The following ARHGAP15 variants were observed in gnomAD, a reference collection of about 807,000 sequenced individuals.
ARHGAP15 encodes the protein rho GTPase-activating protein 15.
ARHGAP15 carries 51 observed loss-of-function variants against 63.7 expected under a neutral mutation model. The observed-to-expected ratio is 0.80, with a 90% CI of 0.64 to 1.01. The LOEUF (loss-of-function observed/expected upper bound fraction) is 1.01. ARHGAP15 is among the 50% of genes least tolerant of loss of function. The probability of loss-of-function intolerance (pLI) is 0.00; values close to 1 mark genes in which losing one functional copy is unlikely to be tolerated. For synonymous variants in ARHGAP15, 191 were observed against 193.8 expected, an observed-to-expected ratio of 0.99 and a Z score of 0.12; for missense variants, 560 against 564.6, an observed-to-expected ratio of 0.99 and a Z score of 0.08.
In ARHGAP15 at chr2:143,545,537, A is replaced by G. The variant is rs910066914; in HGVS notation, c.926-10871A>G. ...TTTTAAGTTGCTACTCTTGTTAAAT[A>G]AAAGTTGGCAAGCGTTCTCGGGGTC... On this transcript the variant is annotated intron_variant, in intron 10 of 13. Transcript: ENST00000295095. 1.3e-5 allele frequency among the ~76,000 whole-genome samples: 2 copies of G among 152,184 alleles called. 1 individual carries two copies. The highest frequency in any genetic ancestry group is 3.8e-4 in the East Asian group (2 of 5,206).
At chr2:143,760,542 G>A (rs1222469884) in intron 13 of ARHGAP15, among the ~76,000 whole-genome samples, 1 of 151,736 alleles carries the variant, frequency 6.6e-6, no homozygotes, top group African/African-American at 2.4e-5. Context: ...TCTAAATATT[G>A]CTTTAGAGAT....
chr2:143,487,341 A>T (rs764932268), intron 8 of ARHGAP15, 32 bp from the exon 9 acceptor site: 2 of 1,583,432 alleles, frequency 1.3e-6, no homozygotes, highest in African/African-American at 2.7e-5. Context: ...GGAGAAATTT[A>T]CCAAAAGCCT....
chr2:143,242,755 A>T lies in ARHGAP15; in HGVS notation c.385-7756A>T, dbSNP rs529439811. 5.3e-5 allele frequency among the ~76,000 whole-genome samples: 8 copies of T among 152,334 alleles called. No individual in the cohort carries two copies. The East Asian group carries it at 1.5e-3, about 29-fold the overall frequency. On this transcript the variant is annotated intron_variant, in intron 5 of 13. Transcript: ENST00000295095. The stretch of plus-strand genomic sequence containing the variant: ...ATCCTCTTTTATGTTGACAGGGGCC[A>T]TACTTTAGACATTAATAAGATCAGG...
At chr2:143,745,415 C>G (rs552539076) in intron 13 of ARHGAP15, among the ~76,000 whole-genome samples, 1 of 152,188 alleles carries the variant, frequency 6.6e-6, no homozygotes, top group Non-Finnish European at 1.5e-5. Flanking sequence ...GAGCAGGTCT[C>G]TTTGTCCAAT....
intron 2 of ARHGAP15, among the ~76,000 whole-genome samples, chr2:143,199,650 C>A (rs1480028098): frequency 6.6e-6 from 1 of 152,078 alleles, no homozygotes; most frequent in African/African-American, 2.4e-5. Context: ...GGCATTGTTT[C>A]TGCTCACATC....
rs144588577 is a variant in ARHGAP15, at chr2:143,298,458, A to G, written c.474+47858A>G. On this transcript the variant is annotated intron_variant, in intron 6 of 13. Coordinates refer to ENST00000295095, the MANE Select transcript of ARHGAP15 (RefSeq NM_018460.4). ...TGTATCATTAAAAGATGATTATGAC[A>G]GCTTCGCTAAGCCTCATTCATGTGA... is the stretch of plus-strand genomic sequence containing the variant. Among the ~76,000 whole-genome samples the G allele has an allele frequency of 7.6e-3, 1,149 of 152,152 alleles. 11 individuals are homozygous for G. The highest frequency in any genetic ancestry group is 0.027 in the African/African-American group (1,119 of 41,548).
chr2:143,360,374 G>A (rs1007843368), intron 6 of ARHGAP15, among the ~76,000 whole-genome samples: 7 of 151,912 alleles, frequency 4.6e-5, no homozygotes, highest in African/African-American at 1.7e-4. Flanking sequence ...GGTGGAGAAA[G>A]ACCTCATCTC....
intron 6 of ARHGAP15, among the ~76,000 whole-genome samples, chr2:143,424,968 C>T (rs969051504): frequency 9.9e-5 from 15 of 152,212 alleles, no homozygotes; most frequent in Admixed American, 6.6e-5. Context: ...CCCAGAGACA[C>T]AAAATAGGCC....
chr2:143,315,595 A>G (rs1195054610), intron 6 of ARHGAP15, among the ~76,000 whole-genome samples: 2 of 152,152 alleles, frequency 1.3e-5, no homozygotes, highest in Admixed American at 1.3e-4. Context: ...GATGGGAGAA[A>G]ATGCTATCAT....
intron 2 of ARHGAP15, among the ~76,000 whole-genome samples, chr2:143,157,141 C>A (rs1220615678): frequency 6.6e-6 from 1 of 151,892 alleles, no homozygotes; most frequent in Non-Finnish European, 1.5e-5. Flanking sequence ...GAATTATCCA[C>A]CTCAATAGCC....
At chr2:143,323,927 C>CTA (rs1684141306) in intron 6 of ARHGAP15, among the ~76,000 whole-genome samples, 1 of 124,908 alleles carries the variant, frequency 8.0e-6, no homozygotes, top group Non-Finnish European at 1.6e-5. Context: ...AAAAAAACAC[C>CTA]TAAATAGGCA....
intron 6 of ARHGAP15, among the ~76,000 whole-genome samples, chr2:143,371,633 CT>C (rs991461153): frequency 1.3e-5 from 2 of 152,238 alleles, no homozygotes. Context: ...CTCCAATTTT[CT>C]TTTTCTTTTT....
chr2:143,758,961 A>G (rs546092677), intron 13 of ARHGAP15, among the ~76,000 whole-genome samples: 88 of 152,300 alleles, frequency 5.8e-4, no homozygotes, highest in South Asian at 3.5e-3. Context: ...CCACGGATCG[A>G]ATTGTTACAT....
At chr2:143,672,191 A>G (rs1400029122) in intron 12 of ARHGAP15, among the ~76,000 whole-genome samples, 1 of 152,214 alleles carries the variant, frequency 6.6e-6, no homozygotes, top group Admixed American at 6.5e-5. Flanking sequence ...AGAGGTATAA[A>G]ATATAGAGAG....
At chr2:143,413,966 T>TGTGTGTGTGTGTGTGTGTGCGCGC in intron 6 of ARHGAP15, among the ~76,000 whole-genome samples, 2 of 117,910 alleles carry the variant, frequency 1.7e-5, no homozygotes, top group African/African-American at 7.1e-5. Context: ...TGTGTGTGTG[T>TGTGTGTGTGTGTGTGTGTGCGCGC]GCGCGCTCTC....
At chr2:143,192,469 A>G (rs564213046) in intron 2 of ARHGAP15, among the ~76,000 whole-genome samples, 1 of 152,216 alleles carries the variant, frequency 6.6e-6, no homozygotes, top group Non-Finnish European at 1.5e-5. Context: ...CAGCTCTCCA[A>G]TGCTGCCTGA....
chr2:143,403,612 A>T (rs190890147), intron 6 of ARHGAP15, among the ~76,000 whole-genome samples: 1 of 151,934 alleles, frequency 6.6e-6, no homozygotes, highest in East Asian at 1.9e-4. Context: ...ATAATACATA[A>T]TAATGGAGAA....
chr2:143,713,688 C>T (rs1684684265), intron 13 of ARHGAP15, among the ~76,000 whole-genome samples: 1 of 146,152 alleles, frequency 6.8e-6, no homozygotes, highest in Non-Finnish European at 1.5e-5. Context: ...GTAAATAGAG[C>T]CATTCCAAGT....
chr2:143,415,597 T>C (rs1422837933), intron 6 of ARHGAP15, among the ~76,000 whole-genome samples: 1 of 152,168 alleles, frequency 6.6e-6, no homozygotes, highest in Non-Finnish European at 1.5e-5. Flanking sequence ...TATTAAAAAG[T>C]AAAAAGATTA....
Sources: gnomAD v4.1 joint callset for allele counts (sites outside exome capture counted in the v4.1 genomes callset) on GRCh38, gnomAD v4.1.1 for gene constraint, MANE v1.5 for transcripts, NCBI Gene and HGNC (gene_info 2026-07-23, HGNC 2026-07-21) for gene names.